Variants in XKR4 observed in about 807,000 individuals in gnomAD.
The protein encoded by XKR4 is XK related 4.
XKR4 carries 12 observed loss-of-function variants against 53.9 expected under a neutral mutation model. The ratio of observed to expected loss-of-function variants is 0.22; its 90% confidence interval spans 0.14 to 0.36. The LOEUF is 0.36. Ranked by LOEUF, XKR4 falls within the 10% of genes least tolerant of loss-of-function variation. The pLI is 1.00. For missense variants in XKR4, 799 were observed against 859.5 expected (o/e 0.93, Z 0.88); for synonymous variants, 354 against 362.4 (o/e 0.98, Z 0.26).
At chr8:55,124,977 A>G (rs1816441572) in intron 1 of XKR4, among the ~76,000 whole-genome samples, 1 of 152,240 alleles carries the variant, frequency 6.6e-6, no homozygotes, top group Admixed American at 6.5e-5. Context: ...CAGAGTATTT[A>G]ATAAAGTTCT....
At position 55,536,534 on chromosome 8, in the gene XKR4, A is replaced by G. The variant is rs1237331257; in HGVS notation, c.*12307A>G. 2 of 152,226 alleles carry G rather than the reference A, an allele frequency of 1.3e-5. No individual in the cohort carries two copies. The highest frequency in any genetic ancestry group is 2.9e-5 in the Non-Finnish European group (2 of 68,052). The allele number at this position is 152,226 out of a possible 1,614,324, so 9.4% of individuals were successfully genotyped here. ...TATCAAACATACGGATATTTGGAAAAGTCGAGATGTTTGAATCATACAGTT... is the reference window on the plus strand; with the variant it reads ...TATCAAACATACGGATATTTGGAAAGGTCGAGATGTTTGAATCATACAGTT... On this transcript the variant is annotated 3_prime_UTR_variant, in exon 3 of 3. Coordinates refer to ENST00000327381, the MANE Select transcript of XKR4 (RefSeq NM_052898.2).
chr8:55,340,938 G>A (rs549257405), intron 1 of XKR4, among the ~76,000 whole-genome samples: 2 of 152,170 alleles, frequency 1.3e-5, no homozygotes, highest in African/African-American at 4.8e-5. Context: ...CCTGATAATC[G>A]ACAACCTGAA....
intron 2 of XKR4, among the ~76,000 whole-genome samples, chr8:55,376,746 T>C (rs76270406): frequency 0.04 from 6,151 of 152,238 alleles, 401 homozygotes; most frequent in African/African-American, 0.14. Flanking sequence ...TGGGAAAGTA[T>C]AGGATTCCTA....
chr8:55,198,176 T>C (rs1395753413), intron 1 of XKR4, among the ~76,000 whole-genome samples: 2 of 152,204 alleles, frequency 1.3e-5, no homozygotes, highest in Admixed American at 6.5e-5. Flanking sequence ...CCTGTGCAGA[T>C]CAACCAGGTT....
At chr8:55,115,838 G>A (rs896456362) in intron 1 of XKR4, among the ~76,000 whole-genome samples, 2 of 152,146 alleles carry the variant, frequency 1.3e-5, no homozygotes, top group African/African-American at 4.8e-5. Context: ...TCTCTAAGAA[G>A]ATAATTAAGC....
intron 1 of XKR4, among the ~76,000 whole-genome samples, chr8:55,104,794 T>C (rs1346193887): frequency 6.6e-6 from 1 of 152,210 alleles, no homozygotes; most frequent in East Asian, 1.9e-4. Context: ...AAATTCTAGT[T>C]AAATATGATA....
At chr8:55,291,315 T>C (rs1819016524) in intron 1 of XKR4, among the ~76,000 whole-genome samples, 1 of 152,242 alleles carries the variant, frequency 6.6e-6, no homozygotes, top group Non-Finnish European at 1.5e-5. Flanking sequence ...TCTCATGTTA[T>C]TCTTCATCGA....
chr8:55,344,770 G>C (rs998545109), intron 1 of XKR4, among the ~76,000 whole-genome samples: 1 of 152,182 alleles, frequency 6.6e-6, no homozygotes, highest in Non-Finnish European at 1.5e-5. Context: ...AGTTGCCCAA[G>C]AGGCCCTGGC....
rs547405600 is a variant in XKR4 at position 55,537,798 on chromosome 8, G to A, written c.*13571G>A. The A allele has an allele frequency of 2.6e-5, 4 of 152,296 alleles. No homozygotes were observed. In the South Asian group the frequency reaches 8.3e-4, roughly 32 times the overall value. 9.4% of individuals were successfully genotyped at this position (152,296 alleles called of 1,614,324 possible). A position where few individuals can be genotyped will look rare whatever the true frequency, so the allele number is the denominator to read the frequency against. Reference sequence around the variant, plus strand: ...AGGCCCCACAACATCATCACTGTGAGTCCTATCGCAGATGTGTGTACCAGC... The same window carrying A: ...AGGCCCCACAACATCATCACTGTGAATCCTATCGCAGATGTGTGTACCAGC... On this transcript the variant is annotated 3_prime_UTR_variant, in exon 3 of 3. Transcript: ENST00000327381.
intron 2 of XKR4, among the ~76,000 whole-genome samples, chr8:55,446,351 T>C (rs963010389): frequency 6.6e-6 from 1 of 150,938 alleles, no homozygotes; most frequent in East Asian, 1.9e-4. Context: ...ACTGATTTCT[T>C]TTTTTTTTGA....
intron 2 of XKR4, among the ~76,000 whole-genome samples, chr8:55,412,275 C>T (rs1804788220): frequency 6.6e-6 from 1 of 152,168 alleles, no homozygotes; most frequent in East Asian, 1.9e-4. Flanking sequence ...ACTCATCTCT[C>T]TCTAAAGCTG....
intron 2 of XKR4, among the ~76,000 whole-genome samples, chr8:55,463,066 C>T (rs187741001): frequency 4.3e-4 from 65 of 152,166 alleles, no homozygotes; most frequent in African/African-American, 1.4e-3. Context: ...GACAGATCAA[C>T]GAGACAGAAA....
chr8:55,441,107 A>C (rs2129394872), intron 2 of XKR4, among the ~76,000 whole-genome samples: 1 of 151,758 alleles, frequency 6.6e-6, no homozygotes. Context: ...AGGCATGCTA[A>C]TGCATGCCTG....
chr8:55,271,483 G>A (rs1012755134), intron 1 of XKR4, among the ~76,000 whole-genome samples: 1 of 152,190 alleles, frequency 6.6e-6, no homozygotes, highest in Non-Finnish European at 1.5e-5. Context: ...AATAAAGGAA[G>A]ACCAACCAAA....
rs34681134 is a variant in XKR4, at chr8:55,233,386, CT to C, written c.807-124279del. On this transcript the variant is annotated intron_variant, in intron 1 of 2. Transcript: ENST00000327381. ...TAAATTCCCACTGGGGCCATCTGAT[CT>C]TTTTTTTTTTTTAAACCAGGTCAAA... 4.9e-3 allele frequency among the ~76,000 whole-genome samples: 727 copies of C among 148,550 alleles called. 4 individuals are homozygous for C. The highest frequency in any genetic ancestry group is 0.016 in the African/African-American group (629 of 40,524).
intron 2 of XKR4, chr8:55,454,840 C>T: frequency 1.3e-6 from 1 of 762,970 alleles, no homozygotes; most frequent in Non-Finnish European, 2.4e-6. Flanking sequence ...CCTCCCTCAT[C>T]CTCCTCTTCC....
intron 2 of XKR4, among the ~76,000 whole-genome samples, chr8:55,377,294 C>G (rs1804164979): frequency 6.6e-6 from 1 of 152,168 alleles, no homozygotes; most frequent in Non-Finnish European, 1.5e-5. Flanking sequence ...TAACCCATAC[C>G]TCATAGGCAG....
chr8:55,290,051 A>G lies in XKR4; in HGVS notation c.807-67627A>G, dbSNP rs188513286. On this transcript the variant is annotated intron_variant, in intron 1 of 2. Coordinates refer to ENST00000327381, the MANE Select transcript of XKR4 (RefSeq NM_052898.2). Reference sequence around the variant, plus strand: ...GTCATTTTGGTAAGTGTTTAGTGATACCTCATTGTGGTTTTAATTCATTTT... The same window carrying G: ...GTCATTTTGGTAAGTGTTTAGTGATGCCTCATTGTGGTTTTAATTCATTTT... 1.2e-3 allele frequency among the ~76,000 whole-genome samples: 178 copies of G among 151,242 alleles called. 2 individuals carry two copies. Among genetic ancestry groups the G allele is most frequent in the Admixed American group, 0.012 (177 of 15,214 alleles).
At chr8:55,313,814 A>G (rs1305130873) in intron 1 of XKR4, among the ~76,000 whole-genome samples, 2 of 152,182 alleles carry the variant, frequency 1.3e-5, no homozygotes, top group Non-Finnish European at 2.9e-5. Flanking sequence ...TGAAAGCAGC[A>G]TTCCTCTGGG....
Sources: allele counts gnomAD v4.1 joint callset (sites outside exome capture counted in the v4.1 genomes callset), GRCh38; gene constraint gnomAD v4.1.1; transcripts MANE v1.5; gene names NCBI Gene and HGNC (gene_info 2026-07-23, HGNC 2026-07-21).